DPYD: variants seen among roughly 807,000 people sequenced by gnomAD.
The protein encoded by DPYD is dihydropyrimidine dehydrogenase, also known as dihydropyrimidine dehydrogenase [NADP(+)].
A neutral mutation model predicts 116.2 loss-of-function variants in DPYD; 109 were observed. The observed-to-expected ratio is 0.94, with a 90% confidence interval of 0.80 to 1.10. DPYD has a LOEUF of 1.10. Among genes scored for constraint, DPYD ranks in the 50% least tolerant of loss-of-function variants. The probability of loss-of-function intolerance (pLI) is 0.00; values close to 1 mark genes in which losing one functional copy is unlikely to be tolerated. For missense variants in DPYD, 1,302 were observed against 1,254.5 expected, an observed-to-expected ratio of 1.04 and a Z score of -0.57; for synonymous variants, 440 against 432.0, an observed-to-expected ratio of 1.02 and a Z score of -0.23.
At chr1:97,135,954 G>C (rs913480960) in intron 20 of DPYD, among the ~76,000 whole-genome samples, 2 of 152,200 alleles carry the variant, frequency 1.3e-5, no homozygotes, top group African/African-American at 4.8e-5. Flanking sequence ...ACACAGCCAG[G>C]ATCACCGTTC....
intron 13 of DPYD, among the ~76,000 whole-genome samples, chr1:97,460,152 A>T (rs925687471): frequency 2.0e-5 from 3 of 152,224 alleles, no homozygotes; most frequent in African/African-American, 7.2e-5. Context: ...ATTAAGCAGA[A>T]AAAAAGCAGG....
At chr1:97,673,646 T>C (rs79854150) in intron 8 of DPYD, among the ~76,000 whole-genome samples, 2,754 of 152,104 alleles carry the variant, frequency 0.018, 36 homozygotes, top group Non-Finnish European at 0.028. Flanking sequence ...TAGTGAATTA[T>C]AATAAAGAAG....
At chr1:97,496,250 C>A (rs934187032) in intron 13 of DPYD, among the ~76,000 whole-genome samples, 27 of 152,170 alleles carry the variant, frequency 1.8e-4, no homozygotes, top group South Asian at 4.1e-4. Context: ...GAGCCAATAT[C>A]TTTTCTTCCT....
At chr1:97,307,013 G>T (rs983214987) in intron 16 of DPYD, among the ~76,000 whole-genome samples, 1 of 151,778 alleles carries the variant, frequency 6.6e-6, no homozygotes, top group Non-Finnish European at 1.5e-5. Context: ...ATTTCCATGT[G>T]CCTATTTTCT....
At chr1:97,621,619 G>C (rs1483708890) in intron 8 of DPYD, among the ~76,000 whole-genome samples, 2 of 151,912 alleles carry the variant, frequency 1.3e-5, no homozygotes, top group African/African-American at 4.8e-5. Flanking sequence ...CCATCAGCTG[G>C]GAGGGCCTAA....
At chr1:97,770,959 T>C (rs894897479) in intron 3 of DPYD, among the ~76,000 whole-genome samples, 1 of 152,198 alleles carries the variant, frequency 6.6e-6, no homozygotes, top group Non-Finnish European at 1.5e-5. Context: ...AAAAAATGTG[T>C]AATCTAGTTA....
At chr1:97,341,012 A>G (rs1242554072) in intron 16 of DPYD, among the ~76,000 whole-genome samples, 1 of 152,154 alleles carries the variant, frequency 6.6e-6, no homozygotes, top group Non-Finnish European at 1.5e-5. Flanking sequence ...CCCCTTTATC[A>G]ACTGCTTATA....
intron 13 of DPYD, among the ~76,000 whole-genome samples, chr1:97,479,415 C>T (rs530826267): frequency 1.1e-4 from 16 of 152,156 alleles, no homozygotes; most frequent in African/African-American, 3.6e-4. Context: ...GAGGAACAGC[C>T]GGTTGGTAGA....
At chr1:97,347,305 T>C (rs891304427) in intron 16 of DPYD, among the ~76,000 whole-genome samples, 12 of 151,980 alleles carry the variant, frequency 7.9e-5, no homozygotes, top group African/African-American at 2.7e-4. Flanking sequence ...CTATTCACAA[T>C]TTTCTAAGAT....
intron 3 of DPYD, among the ~76,000 whole-genome samples, chr1:97,744,456 TA>T (rs960394116): frequency 2.6e-5 from 4 of 151,310 alleles, no homozygotes; most frequent in South Asian, 2.1e-4. Context: ...AAAATAATAA[TA>T]AAAAAACACA....
At chr1:97,518,692 T>C (rs1038380638) in intron 12 of DPYD, among the ~76,000 whole-genome samples, 3 of 152,100 alleles carry the variant, frequency 2.0e-5, no homozygotes, top group African/African-American at 4.8e-5. Context: ...ATACTATTTT[T>C]CCATTCATCC....
chr1:97,829,964 G>A (rs1184607210), intron 2 of DPYD, among the ~76,000 whole-genome samples: 2 of 150,660 alleles, frequency 1.3e-5, no homozygotes, highest in Non-Finnish European at 3.0e-5. Context: ...TGTTCTCATT[G>A]GTCAATTCTC....
intron 16 of DPYD, among the ~76,000 whole-genome samples, chr1:97,346,521 T>A (rs1172028812): frequency 6.6e-6 from 1 of 151,908 alleles, no homozygotes; most frequent in Non-Finnish European, 1.5e-5. Flanking sequence ...CAAACTTTTA[T>A]GATCTCTGTA....
intron 16 of DPYD, among the ~76,000 whole-genome samples, chr1:97,371,899 C>G (rs998132849): frequency 3.9e-5 from 6 of 152,124 alleles, no homozygotes; most frequent in Non-Finnish European, 5.9e-5. Context: ...CATGTGTTTT[C>G]CAAGAGTTTT....
At chr1:97,842,015 C>A (rs2101536912) in intron 2 of DPYD, among the ~76,000 whole-genome samples, 1 of 151,764 alleles carries the variant, frequency 6.6e-6, no homozygotes, top group East Asian at 1.9e-4. Flanking sequence ...ATAAAGACTT[C>A]ATAGATATTG....
chr1:97,340,169 AC>A (rs1360518090), intron 16 of DPYD, among the ~76,000 whole-genome samples: 1 of 152,122 alleles, frequency 6.6e-6, no homozygotes, highest in Non-Finnish European at 1.5e-5. Flanking sequence ...GTCATTTACC[AC>A]TATATATGTT....
intron 2 of DPYD, among the ~76,000 whole-genome samples, chr1:97,851,785 T>C (rs556254479): frequency 6.6e-6 from 1 of 151,828 alleles, no homozygotes; most frequent in South Asian, 2.1e-4. Context: ...TATAATGCAC[T>C]ATACATGAGG....
chr1:97,489,112 G>A (rs928895124), intron 13 of DPYD, among the ~76,000 whole-genome samples: 2 of 152,208 alleles, frequency 1.3e-5, no homozygotes, highest in Admixed American at 1.3e-4. Flanking sequence ...AAAAAATGTA[G>A]TTGAAGAGAC....
At chr1:97,456,574 T>C (rs1212981050) in intron 13 of DPYD, among the ~76,000 whole-genome samples, 6 of 152,080 alleles carry the variant, frequency 3.9e-5, no homozygotes, top group Admixed American at 6.6e-5. Context: ...ACAGAGGCCC[T>C]AACGGGCTTA....
Sources: gnomAD v4.1 joint callset for allele counts (sites outside exome capture counted in the v4.1 genomes callset) on GRCh38, gnomAD v4.1.1 for gene constraint, MANE v1.5 for transcripts, NCBI Gene and HGNC (gene_info 2026-07-23, HGNC 2026-07-21) for gene names.